SPTBN4: variants seen among roughly 807,000 people sequenced by gnomAD.
SPTBN4 encodes the protein spectrin beta chain, non-erythrocytic 4.
SPTBN4 carries 96 observed loss-of-function variants against 277.8 expected under a neutral mutation model. That is an observed-to-expected ratio of 0.35 (90% confidence interval 0.29 to 0.41). SPTBN4 has a LOEUF of 0.41. Among genes scored for constraint, SPTBN4 ranks in the 10% least tolerant of loss-of-function variants. The pLI is 1.00. For synonymous variants in SPTBN4, 1,481 were observed against 1,580.3 expected (o/e 0.94, Z 1.49); for missense variants, 3,006 against 3,595.7 (o/e 0.84, Z 4.19).
At chr19:40,546,431 C>T (rs1265920706) in intron 20 of SPTBN4, among the ~76,000 whole-genome samples, 1 of 151,946 alleles carries the variant, frequency 6.6e-6, no homozygotes, top group Non-Finnish European at 1.5e-5. Flanking sequence ...TTGAACAAAT[C>T]ATAACTGGAG....
intron 1 of SPTBN4, among the ~76,000 whole-genome samples, chr19:40,470,529 A>T (rs1311642120): frequency 6.7e-6 from 1 of 149,408 alleles, no homozygotes; most frequent in Non-Finnish European, 1.5e-5. Flanking sequence ...CTGGTCTTGA[A>T]CTCCTGACCT....
chr19:40,511,202 G>A (rs111322355), intron 13 of SPTBN4, among the ~76,000 whole-genome samples: 3,006 of 151,838 alleles, frequency 0.02, 85 homozygotes, highest in African/African-American at 0.062. Context: ...TCAGGAGTTC[G>A]AGACCAGTCT....
intron 5 of SPTBN4, 34 bp downstream of exon 5, chr19:40,493,088 G>A (rs1399138209): frequency 1.2e-6 from 2 of 1,604,680 alleles, no homozygotes; most frequent in East Asian, 2.2e-5. Flanking sequence ...TAGGAGGTTA[G>A]GCAAGTGGTC....
intron 20 of SPTBN4, among the ~76,000 whole-genome samples, chr19:40,536,199 C>CCCCT (rs1284253351): frequency 6.6e-6 from 1 of 150,376 alleles, no homozygotes; most frequent in African/African-American, 2.4e-5. Flanking sequence ...CTTTTCTTTT[C>CCCCT]CCCTCCCTTC....
intron 13 of SPTBN4, among the ~76,000 whole-genome samples, chr19:40,508,620 G>A (rs1012188507): frequency 2.6e-5 from 4 of 152,100 alleles, no homozygotes; most frequent in South Asian, 2.1e-4. Context: ...TCTGGGAGGC[G>A]GAGGTTGCAG....
intron 2 of SPTBN4, among the ~76,000 whole-genome samples, chr19:40,476,240 G>A (rs938510356): frequency 4.6e-5 from 7 of 151,110 alleles, no homozygotes; most frequent in African/African-American, 1.7e-4. Context: ...AGCTACTCAG[G>A]AGGATGAGGC....
At chr19:40,535,378 C>T (rs1312702022) in intron 20 of SPTBN4, among the ~76,000 whole-genome samples, 1 of 152,050 alleles carries the variant, frequency 6.6e-6, no homozygotes, top group Non-Finnish European at 1.5e-5. Flanking sequence ...CTGCTTTTAC[C>T]TGTCAGGAAC....
At chr19:40,501,056 T>G (rs1402700031) in intron 7 of SPTBN4, among the ~76,000 whole-genome samples, 3 of 151,538 alleles carry the variant, frequency 2.0e-5, no homozygotes, top group Non-Finnish European at 4.4e-5. Context: ...ATAGACAGAG[T>G]GAACATGGAG....
chr19:40,557,082 G>T lies in SPTBN4; in HGVS notation c.5349G>T (p.Arg1783=). ...AGACAGGTATGGCAGGGCGGGAACG[G>T]CTGGCAGCTGTGAACCAGATGGTGG... ...ASETGMAGRE[R]LAAVNQMVDE... is the part of the protein sequence containing the mutation. Residue 1783 remains arginine, a synonymous_variant, in exon 26 of 36, where the codon CGG becomes CGT. Coordinates refer to ENST00000598249, the MANE Select transcript of SPTBN4 (RefSeq NM_020971.3). 2.5e-6 allele frequency: 4 copies of T among 1,587,680 alleles called. No homozygotes were observed. The highest frequency in any genetic ancestry group is 3.4e-6 in the Non-Finnish European group (4 of 1,161,670).
chr19:40,520,233 G>A lies in SPTBN4; in HGVS notation c.3654+82G>A, dbSNP rs59314180. ...GCAGGGACAGGGACATGCGGGGGTG[G>A]GGAGGAGGGTGTTTCCTGGGACCAC... On this transcript the variant is annotated intron_variant, in intron 16 of 35. Transcript: ENST00000598249. 2,064 of 1,287,630 alleles carry A rather than the reference G, an allele frequency of 1.6e-3. 28 individuals are homozygous for A. In the African/African-American group the frequency reaches 0.027, roughly 17 times the overall value. 79.8% of individuals were successfully genotyped at this position (1,287,630 alleles called of 1,614,324 possible). A position where few individuals can be genotyped will look rare whatever the true frequency, so the allele number is the denominator to read the frequency against.
At chr19:40,505,028 G>T (rs1050889969) in intron 12 of SPTBN4, among the ~76,000 whole-genome samples, 1 of 150,244 alleles carries the variant, frequency 6.7e-6, no homozygotes, top group Non-Finnish European at 1.5e-5. Context: ...GATACAGGAA[G>T]ATGGAATCAA....
At chr19:40,571,858 C>A in intron 33 of SPTBN4, 161 bp from the exon 34 acceptor site, 1 of 706,840 alleles carries the variant, frequency 1.4e-6, no homozygotes, top group Non-Finnish European at 2.2e-6. Context: ...AGGGCAGCAA[C>A]AGCCTTAAGG....
intron 24 of SPTBN4, among the ~76,000 whole-genome samples, chr19:40,555,505 A>G (rs894404105): frequency 1.3e-4 from 20 of 149,786 alleles, no homozygotes; most frequent in Admixed American, 4.0e-4. Context: ...AAAAAAAAAA[A>G]AAAGAAAAGA....
At position 40,570,766 on chromosome 19, in the gene SPTBN4, G is replaced by C. The variant is rs375088907; in HGVS notation, c.7319+38G>C. ...GCGGGGCTTTGGAAGGCGGGTCTCA[G>C]GCTCAGGGTGACCATTGCGTGGAGC... On this transcript the variant is annotated intron_variant, in intron 33 of 35. Transcript: ENST00000598249. 4.8e-5 allele frequency: 77 copies of C among 1,588,372 alleles called. No individual in the cohort carries two copies. In the African/African-American group the frequency reaches 9.9e-4, roughly 20 times the overall value.
Position 40,572,196 on chromosome 19 carries a change from AG to A in SPTBN4, c.7493+5del. On this transcript the variant is annotated splice_donor_5th_base_variant and intron_variant, in intron 34 of 35. Transcript: ENST00000598249. ...AGAAGCATGTCTTCAAGCTCCAGTG[AG>A]CCCCCCAATGGGCAGGAGGGAGGGA... 6.3e-7 allele frequency: 1 copy of A among 1,595,158 alleles called. No homozygotes were observed. Among genetic ancestry groups the A allele is most frequent in the Non-Finnish European group, 8.6e-7 (1 of 1,168,096 alleles).
At chr19:40,555,740 T>C (rs1410981513) in intron 24 of SPTBN4, among the ~76,000 whole-genome samples, 1 of 151,862 alleles carries the variant, frequency 6.6e-6, no homozygotes, top group East Asian at 1.9e-4. Flanking sequence ...GGGAACATAG[T>C]GAGACCTCAT....
At chr19:40,489,958 C>A in intron 3 of SPTBN4, 117 bp from the exon 4 acceptor site, 1 of 1,060,976 alleles carries the variant, frequency 9.4e-7, no homozygotes, top group South Asian at 1.7e-5. Context: ...CAGCCTGATC[C>A]TGGACACTCA....
At chr19:40,552,008 A>C (rs577156450) in intron 22 of SPTBN4, among the ~76,000 whole-genome samples, 16 of 151,538 alleles carry the variant, frequency 1.1e-4, no homozygotes, top group African/African-American at 3.6e-4. Flanking sequence ...AAAAAAAAAA[A>C]ACATCGATTA....
chr19:40,540,163 G>A (rs2080783273), intron 20 of SPTBN4, among the ~76,000 whole-genome samples: 1 of 151,840 alleles, frequency 6.6e-6, no homozygotes, highest in South Asian at 2.1e-4. Context: ...CTGACCTCAA[G>A]TGATCCGCCC....
Sources: gnomAD v4.1 joint callset for allele counts (sites outside exome capture counted in the v4.1 genomes callset) on GRCh38, gnomAD v4.1.1 for gene constraint, MANE v1.5 for transcripts, NCBI Gene and HGNC (gene_info 2026-07-23, HGNC 2026-07-21) for gene names.